CELF2: variants seen among roughly 807,000 people sequenced by gnomAD.
CELF2 encodes the protein CUG triplet repeat RNA-binding protein 2.
In CELF2, 8 loss-of-function variants were observed where a neutral mutation model predicts 62.6. The ratio of observed to expected loss-of-function variants is 0.13; its 90% CI spans 0.07 to 0.23. The LOEUF is 0.23. Among genes scored for constraint, CELF2 ranks in the 10% least tolerant of loss-of-function variants. The pLI is 1.00. For missense variants in CELF2, 333 were observed against 671.0 expected, an observed-to-expected ratio of 0.50 and a Z score of 5.56; for synonymous variants, 258 against 250.0, an observed-to-expected ratio of 1.03 and a Z score of -0.30.
chr10:11,026,906 G>T (rs1782656473), intron 1 of CELF2, among the ~76,000 whole-genome samples: 1 of 152,154 alleles, frequency 6.6e-6, no homozygotes. Flanking sequence ...TACATTATAG[G>T]AGGAGTGTTG....
intron 8 of CELF2, among the ~76,000 whole-genome samples, chr10:11,279,500 C>T (rs938373635): frequency 1.3e-5 from 2 of 152,162 alleles, no homozygotes; most frequent in African/African-American, 2.4e-5. Flanking sequence ...CAAAGACTCA[C>T]GCAGAACTTG....
intron 1 of CELF2, among the ~76,000 whole-genome samples, chr10:11,138,842 G>A (rs745432639): frequency 6.4e-4 from 97 of 152,182 alleles, no homozygotes; most frequent in Middle Eastern, 6.8e-3. Flanking sequence ...GACTGAAAAC[G>A]GCCATAAATT....
In CELF2 at chr10:11,333,511, CTGTT is replaced by C. The variant is rs534195989; in HGVS notation, c.*4464_*4467del. The C allele has an allele frequency of 1.3e-5, 2 of 151,858 alleles. No homozygotes were observed. Among genetic ancestry groups the C allele is most frequent in the African/African-American group, 4.9e-5 (2 of 41,228 alleles). 9.4% of individuals were successfully genotyped at this position (151,858 alleles called of 1,614,324 possible). ...CTTGTGCTACTCTGGAATCATTTTACTGTTTGTTTTTATTATCTTAAGTGCTAAT... is the reference window on the plus strand; with the variant it reads ...CTTGTGCTACTCTGGAATCATTTTACTGTTTTTATTATCTTAAGTGCTAAT... On this transcript the variant is annotated 3_prime_UTR_variant, in exon 13 of 13. Transcript: ENST00000633077.
At chr10:10,773,550 G>C in the CELF2 span, among the ~76,000 whole-genome samples, 1 of 152,158 alleles carries the variant, frequency 6.6e-6, no homozygotes, top group African/African-American at 2.4e-5. Context: ...ATATAAGACT[G>C]ACTATTTGAC....
rs560059246 is a variant in CELF2, at chr10:11,306,898, A to G, written c.977-7241A>G. On this transcript the variant is annotated intron_variant, in intron 9 of 12. Transcript: ENST00000633077. This position sits in a 1 kb window ranked among gnomAD's most constrained non-coding sequence, Gnocchi z 4.4. The stretch of plus-strand genomic sequence containing the variant: ...AGAGACCTAATTTGCATATTGATTC[A>G]TTGTCATCAATAACAAAAGGGGCCC... 6.6e-6 allele frequency among the ~76,000 whole-genome samples: 1 copy of G among 152,312 alleles called. No homozygotes were observed. Among genetic ancestry groups the G allele is most frequent in the East Asian group, 1.9e-4 (1 of 5,184 alleles).
chr10:10,736,237 G>T, the CELF2 span, among the ~76,000 whole-genome samples: 1 of 152,162 alleles, frequency 6.6e-6, no homozygotes, highest in Admixed American at 6.5e-5. Context: ...GCTCATGAAA[G>T]TCTTCTTGCT....
At position 11,242,974 on chromosome 10, in the gene CELF2, G is replaced by A. The variant is rs1241560229; in HGVS notation, c.355-6179G>A. ...CTGGGTCAGAACCAAACCACTGCGT[G>A]CTGTCGTGGGTGCAGAAGCTTAGCT... is the stretch of plus-strand genomic sequence containing the variant. On this transcript the variant is annotated intron_variant, in intron 3 of 12. Coordinates refer to ENST00000633077, the MANE Select transcript of CELF2 (RefSeq NM_001326342.2). The surrounding 1 kb of genome is among the most constrained non-coding windows in gnomAD (Gnocchi z 4.8). Among the ~76,000 whole-genome samples, 1 of 152,174 alleles carries A rather than the reference G, an allele frequency of 6.6e-6. No individual in the cohort carries two copies. Among genetic ancestry groups the A allele is most frequent in the Non-Finnish European group, 1.5e-5 (1 of 68,034 alleles).
the CELF2 span, among the ~76,000 whole-genome samples, chr10:10,574,739 T>A: frequency 6.6e-6 from 1 of 152,174 alleles, no homozygotes; most frequent in South Asian, 2.1e-4. Context: ...GATGGAGTTT[T>A]GCTCTTGTCA....
chr10:11,248,306 G>A, intron 3 of CELF2, among the ~76,000 whole-genome samples: 1 of 152,132 alleles, frequency 6.6e-6, no homozygotes, highest in East Asian at 1.9e-4. Flanking sequence ...GGGCACTTTA[G>A]GAAGAGCCAT....
At chr10:10,735,279 T>C in the CELF2 span, among the ~76,000 whole-genome samples, 1 of 152,218 alleles carries the variant, frequency 6.6e-6, no homozygotes, top group African/African-American at 2.4e-5. Flanking sequence ...AATTTAACTT[T>C]ACAGTCAACT....
chr10:11,158,526 G>A (rs1004066235), intron 1 of CELF2, among the ~76,000 whole-genome samples: 22 of 152,074 alleles, frequency 1.4e-4, no homozygotes, highest in Non-Finnish European at 1.3e-4. Context: ...TGAGTTGCCT[G>A]GGTGAGGGCT....
At chr10:10,513,826 G>C in the CELF2 span, among the ~76,000 whole-genome samples, 2 of 152,146 alleles carry the variant, frequency 1.3e-5, no homozygotes, top group Non-Finnish European at 2.9e-5. Context: ...AGCAAAGCCT[G>C]GTTCCCTCTC....
chr10:11,139,907 T>G (rs947325922), intron 1 of CELF2, among the ~76,000 whole-genome samples: 4 of 151,872 alleles, frequency 2.6e-5, no homozygotes, highest in African/African-American at 9.7e-5. Context: ...ATTCTGCCTC[T>G]CTCATCGGCT....
chr10:11,305,963 T>C lies in CELF2; in HGVS notation c.977-8176T>C, dbSNP rs2094173638. 6.6e-6 allele frequency among the ~76,000 whole-genome samples: 1 copy of C among 152,198 alleles called. No individual in the cohort carries two copies. The highest frequency in any genetic ancestry group is 2.4e-5 in the African/African-American group (1 of 41,460). ...TTTTCACAAAAGGCCACAGACTTTG[T>C]CTGCACATGAGCTGATAAAACCATG... On this transcript the variant is annotated intron_variant, in intron 9 of 12. Coordinates refer to ENST00000633077, the MANE Select transcript of CELF2 (RefSeq NM_001326342.2). The surrounding 1 kb of genome is among the most constrained non-coding windows in gnomAD (Gnocchi z 4.8).
intron 1 of CELF2, among the ~76,000 whole-genome samples, chr10:10,855,994 T>C (rs1267009831): frequency 6.6e-6 from 1 of 152,138 alleles, no homozygotes. Context: ...ATCTAAGATC[T>C]AGGAAAGGTA....
the CELF2 span, among the ~76,000 whole-genome samples, chr10:10,622,491 T>C: frequency 2.0e-5 from 3 of 151,902 alleles, no homozygotes; most frequent in Non-Finnish European, 2.9e-5. Context: ...TATATATATA[T>C]GTAATAAAAT....
At chr10:10,529,683 C>CAAAAAAA in the CELF2 span, among the ~76,000 whole-genome samples, 1 of 65,458 alleles carries the variant, frequency 1.5e-5, no homozygotes, top group African/African-American at 6.4e-5. Context: ...GACTCCATCT[C>CAAAAAAA]AAAAAAAAAA....
chr10:11,058,550 T>A (rs895158251), intron 1 of CELF2, among the ~76,000 whole-genome samples: 1 of 138,074 alleles, frequency 7.2e-6, no homozygotes, highest in African/African-American at 2.7e-5. Context: ...CGCTGCAACC[T>A]CCACCTCCCA....
At chr10:11,143,789 A>G (rs998752246) in intron 1 of CELF2, among the ~76,000 whole-genome samples, 1 of 152,242 alleles carries the variant, frequency 6.6e-6, no homozygotes. Context: ...CTCTAGACAT[A>G]TATTTGCATT....
Sources: allele counts gnomAD v4.1 joint callset (sites outside exome capture counted in the v4.1 genomes callset), GRCh38; gene constraint gnomAD v4.1.1; non-coding constraint Gnocchi (gnomAD v3.1); transcripts MANE v1.5; gene names NCBI Gene and HGNC (gene_info 2026-07-23, HGNC 2026-07-21).